The following ZFYVE21 variants were observed in gnomAD, a reference collection of about 807,000 sequenced individuals.
ZFYVE21 encodes zinc finger FYVE domain-containing protein 21.
A neutral mutation model predicts 29.5 loss-of-function variants in ZFYVE21; 21 were observed. That is an observed-to-expected ratio of 0.71 (90% confidence interval 0.50 to 1.02). The LOEUF (loss-of-function observed/expected upper bound fraction) is 1.02. Among genes scored for constraint, ZFYVE21 ranks in the 50% least tolerant of loss-of-function variants. ZFYVE21 has a pLI of 0.00. For missense variants in ZFYVE21, 326 were observed against 335.4 expected (o/e 0.97, Z 0.22); for synonymous variants, 151 against 133.8 (o/e 1.13, Z -0.89).
chr14:103,732,671 C>T lies in ZFYVE21; in HGVS notation c.578C>T (p.Thr193Met), dbSNP rs199983149. 1.1e-4 allele frequency: 179 copies of T among 1,611,922 alleles called. No individual in the cohort carries two copies. The highest frequency in any genetic ancestry group is 1.4e-4 in the Non-Finnish European group (161 of 1,179,200). ...TTCCTGCAGTATACAGTGCCGGGGA[C>T]GGAGGGTGTGACCCAGCTGAAGCTG... is the stretch of plus-strand genomic sequence containing the variant. ...GMFLQYTVPG[T>M]EGVTQLKLTV... Residue 193 changes from threonine (T) to methionine (M), a missense_variant, in exon 6 of 7, where the codon ACG becomes ATG. Coordinates refer to ENST00000311141, the MANE Select transcript of ZFYVE21 (RefSeq NM_024071.4).
chr14:103,716,331 C>T lies in ZFYVE21; in HGVS notation c.138+352C>T, dbSNP rs1052112914. Among the ~76,000 whole-genome samples the T allele has an allele frequency of 7.2e-5, 11 of 152,186 alleles. No individual in the cohort carries two copies. Among genetic ancestry groups the T allele is most frequent in the African/African-American group, 2.7e-4 (11 of 41,456 alleles). On this transcript the variant is annotated intron_variant, in intron 1 of 6. Transcript: ENST00000311141. The surrounding 1 kb of genome is among the most constrained non-coding windows in gnomAD (Gnocchi z 4.8). ...TTCGTGCTGGGCTAGCGCGTGTGGA[C>T]TGCGTCCCGAGAGCTGGGGCTCGCT...
chr14:103,730,941 T>G (rs2083967915), intron 5 of ZFYVE21: 1 of 152,366 alleles, frequency 6.6e-6, no homozygotes, highest in African/African-American at 2.4e-5. Flanking sequence ...GGCAGGACGT[T>G]ACACTGACAG....
In ZFYVE21 at chr14:103,726,945, C is replaced by CTTGTTTTTTTTT. The variant is rs1351364442; in HGVS notation, c.189+104_189+105insTGTTTTTTTTTT. 1.1e-5 allele frequency: 8 copies of CTTGTTTTTTTTT among 727,638 alleles called. No individual in the cohort carries two copies. The African/African-American group carries it at 3.9e-4, about 36-fold the overall frequency. 45.1% of individuals were successfully genotyped at this position (727,638 alleles called of 1,614,324 possible). A position where few individuals can be genotyped will look rare whatever the true frequency, so the allele number is the denominator to read the frequency against. ...GCAGGGGACGGATGTCATCTTATGG[C>CTTGTTTTTTTTT]TCGTTTTTTTTTTTTTTGAGACGGA... On this transcript the variant is annotated intron_variant, in intron 2 of 6. Transcript: ENST00000311141.
At chr14:103,730,066 AGC>A in intron 5 of ZFYVE21, 1 of 595,040 alleles carries the variant, frequency 1.7e-6, no homozygotes, top group Non-Finnish European at 2.9e-6. Context: ...GTTCTGTCTC[AGC>A]GGGAGGGTTA....
intron 2 of ZFYVE21, 48 bp downstream of exon 2, chr14:103,726,890 C>G (rs765837382): frequency 6.2e-7 from 1 of 1,605,450 alleles, no homozygotes; most frequent in Non-Finnish European, 8.5e-7. Flanking sequence ...GGGAGGGGCC[C>G]CAACAGGACA....
At position 103,733,613 on chromosome 14, in the gene ZFYVE21, C is replaced by G. The variant is rs1371306301; in HGVS notation, c.*595C>G. 6.5e-6 allele frequency: 1 copy of G among 152,968 alleles called. No homozygotes were observed. The highest frequency in any genetic ancestry group is 2.4e-5 in the African/African-American group (1 of 41,456). 9.5% of individuals were successfully genotyped at this position (152,968 alleles called of 1,614,324 possible). The stretch of plus-strand genomic sequence containing the variant: ...TCACTATTTCACTTTATTAAGATGA[C>G]TGTACAGCAATTTGTATATAAAGCT... On this transcript the variant is annotated 3_prime_UTR_variant, in exon 7 of 7. Transcript: ENST00000311141.
rs111749160 is a variant in ZFYVE21, at chr14:103,727,053, C to T, written c.189+211C>T. On this transcript the variant is annotated intron_variant, in intron 2 of 6. Coordinates refer to ENST00000311141, the MANE Select transcript of ZFYVE21 (RefSeq NM_024071.4). ...CTCTGCCTCTCAGGTTCAAGTGATT[C>T]TCCTGCCTCAGCCTCCTGAGTAGCT... The T allele has an allele frequency of 1.7e-4, 88 of 522,878 alleles. 1 individual carries two copies. The highest frequency in any genetic ancestry group is 1.5e-3 in the African/African-American group (77 of 50,230). 32.4% of individuals were successfully genotyped at this position (522,878 alleles called of 1,614,324 possible). A position where few individuals can be genotyped will look rare whatever the true frequency, so the allele number is the denominator to read the frequency against.
chr14:103,722,410 A>G (rs2083881120), intron 1 of ZFYVE21, among the ~76,000 whole-genome samples: 1 of 135,652 alleles, frequency 7.4e-6, no homozygotes, highest in Non-Finnish European at 1.5e-5. Context: ...GCTGGAGTGC[A>G]ATGGCATGAA....
chr14:103,719,657 G>C (rs2151950556), intron 1 of ZFYVE21, among the ~76,000 whole-genome samples: 1 of 152,024 alleles, frequency 6.6e-6, no homozygotes, highest in East Asian at 1.9e-4. Flanking sequence ...TGCAGGGTGG[G>C]GGGTTTCATA....
intron 1 of ZFYVE21, chr14:103,726,040 C>A (rs1201929460): frequency 1.3e-5 from 2 of 152,328 alleles, no homozygotes; most frequent in African/African-American, 4.8e-5. Context: ...AAAGTCCAGC[C>A]TTGTGAGCCC....
Position 103,727,823 on chromosome 14 carries a change from T to C in ZFYVE21, c.267T>C (p.Phe89=). The change falls in exon 3 of 7, where the codon TTT becomes TTC. Residue 89 remains phenylalanine, a synonymous_variant. Transcript: ENST00000311141. ...AGGTGCCGCTGCGGCGCATGTGCTT[T>C]GTGGACCCCGTGCGGCAGTGCGCGG... ...SQKVPLRRMC[F]VDPVRQCAEC... The C allele has an allele frequency of 6.2e-7, 1 of 1,613,176 alleles. No homozygotes were observed. Among genetic ancestry groups the C allele is most frequent in the Non-Finnish European group, 8.5e-7 (1 of 1,179,914 alleles).
intron 2 of ZFYVE21, 64 bp downstream of exon 2, chr14:103,726,906 C>A (rs572151894): frequency 5.1e-6 from 8 of 1,558,076 alleles, no homozygotes; most frequent in South Asian, 2.2e-5. Flanking sequence ...GGACAGCTGC[C>A]GCTGCCCCTT....
intron 1 of ZFYVE21, among the ~76,000 whole-genome samples, chr14:103,723,377 G>T (rs1272394398): frequency 6.6e-6 from 1 of 152,206 alleles, no homozygotes; most frequent in African/African-American, 2.4e-5. Flanking sequence ...GCCAGCCAAC[G>T]CCCACAGCCC....
intron 5 of ZFYVE21, chr14:103,731,513 G>C (rs569359237): frequency 1.3e-5 from 2 of 152,176 alleles, no homozygotes. Context: ...GGAGGCTGAG[G>C]CAGGAGAATC....
Position 103,715,830 on chromosome 14 carries a change from T to A in ZFYVE21, c.-12T>A. The A allele has an allele frequency of 7.2e-7, 1 of 1,388,534 alleles. No individual in the cohort carries two copies. Among genetic ancestry groups the A allele is most frequent in the East Asian group, 3.4e-5 (1 of 29,370 alleles). 86.0% of individuals were successfully genotyped at this position (1,388,534 alleles called of 1,614,324 possible). A position where few individuals can be genotyped will look rare whatever the true frequency, so the allele number is the denominator to read the frequency against. On this transcript the variant is annotated 5_prime_UTR_variant, in exon 1 of 7. Coordinates refer to ENST00000311141, the MANE Select transcript of ZFYVE21 (RefSeq NM_024071.4). ...GGTGCGGGGCCGCTGGCCGAGAGGC[T>A]GAGGCGGCGTCATGTCCTCCGAGGT...
chr14:103,727,949 C>A, intron 3 of ZFYVE21, 35 bp downstream of exon 3: 1 of 1,569,106 alleles, frequency 6.4e-7, no homozygotes, highest in Non-Finnish European at 8.7e-7. Flanking sequence ...CCCGCGCGCT[C>A]CGCCAGCCGG....
At position 103,715,981 on chromosome 14, in the gene ZFYVE21, TG is replaced by T; in HGVS notation, c.138+5del. ...CCGCAGTGGGTCCCGGACAAGGAGG[TG>T]GGTGGCCGTCGCCCCGGCCAGCGCC... On this transcript the variant is annotated splice_donor_region_variant and intron_variant, in intron 1 of 6. Transcript: ENST00000311141. 1 of 1,288,086 alleles carries T rather than the reference TG, an allele frequency of 7.8e-7. No homozygotes were observed. The highest frequency in any genetic ancestry group is 2.0e-5 in the South Asian group (1 of 48,888). The allele number at this position is 1,288,086 out of a possible 1,614,324, so 79.8% of individuals were successfully genotyped here. A position where few individuals can be genotyped will look rare whatever the true frequency, so the allele number is the denominator to read the frequency against.
Position 103,733,215 on chromosome 14 carries a change from C to T in ZFYVE21, c.*197C>T. 4 of 661,270 alleles carry T rather than the reference C, an allele frequency of 6.0e-6. No individual in the cohort carries two copies. The South Asian group carries it at 8.4e-5, about 14-fold the overall frequency. The allele number at this position is 661,270 out of a possible 1,614,324, so 41.0% of individuals were successfully genotyped here. ...CACAGTTTATTAATGCTTTAAACAG[C>T]TTCATGTTTTAGAATTTGTGTATTG... On this transcript the variant is annotated 3_prime_UTR_variant, in exon 7 of 7. Transcript: ENST00000311141.
chr14:103,732,824 AG>A, intron 6 of ZFYVE21, 62 bp downstream of exon 6: 2 of 1,600,608 alleles, frequency 1.2e-6, no homozygotes, highest in Non-Finnish European at 1.7e-6. Context: ...TGCCTTTCCC[AG>A]AGGAAGCTCT....
Sources: gnomAD v4.1 joint callset for allele counts (sites outside exome capture counted in the v4.1 genomes callset) on GRCh38, gnomAD v4.1.1 for gene constraint, Gnocchi (gnomAD v3.1) non-coding constraint, MANE v1.5 for transcripts, NCBI Gene and HGNC (gene_info 2026-07-23, HGNC 2026-07-21) for gene names.